NDUFB5: variants seen among roughly 807,000 people sequenced by gnomAD.
NDUFB5 encodes the protein NADH dehydrogenase [ubiquinone] 1 beta subcomplex subunit 5, mitochondrial.
A neutral mutation model predicts 19.4 loss-of-function variants in NDUFB5; 19 were observed. The ratio of observed to expected loss-of-function variants is 0.98; its 90% CI spans 0.68 to 1.43. NDUFB5 has a LOEUF of 1.43. Ranked by LOEUF, NDUFB5 falls within the 40% of genes most tolerant of loss-of-function variation. The pLI is 0.00. For missense variants in NDUFB5, 233 were observed against 236.5 expected (o/e 0.99, Z 0.10); for synonymous variants, 80 against 82.6 (o/e 0.97, Z 0.17).
In NDUFB5 at chr3:179,627,062, A is replaced by C. The variant is rs570705884; in HGVS notation, c.*3022A>C. The C allele has an allele frequency of 2.0e-5, 3 of 152,358 alleles. No homozygotes were observed. The highest frequency in any genetic ancestry group is 2.0e-4 in the Admixed American group (3 of 15,292). The allele number at this position is 152,358 out of a possible 1,614,324, so 9.4% of individuals were successfully genotyped here. On this transcript the variant is annotated 3_prime_UTR_variant, in exon 6 of 6. Transcript: ENST00000259037. Reference sequence around the variant, plus strand: ...ATTGCTTGGCTTCTGGGGAGGCCTCAAGGAACTTTCACTCATAGCAGAAAG... The same window carrying C: ...ATTGCTTGGCTTCTGGGGAGGCCTCCAGGAACTTTCACTCATAGCAGAAAG...
intron 5 of NDUFB5, among the ~76,000 whole-genome samples, chr3:179,619,782 C>G (rs895022401): frequency 2.0e-5 from 3 of 152,186 alleles, no homozygotes; most frequent in Admixed American, 6.5e-5. Context: ...ACACTGACTT[C>G]CACAATGATT....
intron 1 of NDUFB5, among the ~76,000 whole-genome samples, chr3:179,611,811 A>G (rs1438526436): frequency 6.6e-6 from 1 of 152,120 alleles, no homozygotes; most frequent in East Asian, 1.9e-4. Flanking sequence ...GGCTACGTGC[A>G]TTTTTAAAAA....
chr3:179,615,700 C>T (rs1719359959), intron 2 of NDUFB5: 1 of 539,390 alleles, frequency 1.9e-6, no homozygotes, highest in Admixed American at 2.3e-5. Flanking sequence ...CCTTTTTCAT[C>T]TCCTTGGTTG....
At position 179,624,026 on chromosome 3, in the gene NDUFB5, A is replaced by G. The variant is rs140449182; in HGVS notation, c.556A>G (p.Thr186Ala). The G allele has an allele frequency of 3.1e-6, 5 of 1,613,452 alleles. No individual in the cohort carries two copies. The highest frequency in any genetic ancestry group is 1.7e-5 in the Admixed American group (1 of 59,944). ...ACTTATTGATCATTCTCCGAAAGCAACTCCTGACAATTAAGCATTTTTTTC... is the reference window on the plus strand; with the variant it reads ...ACTTATTGATCATTCTCCGAAAGCAGCTCCTGACAATTAAGCATTTTTTTC... ...KELIDHSPKA[T>A]PDN is the part of the protein sequence containing the mutation. Residue 186 changes from threonine to alanine, a missense_variant, in exon 6 of 6, where the codon ACT (threonine) becomes GCT (alanine). By Grantham distance (58) the Thr-to-Ala change is moderately conservative. Transcript: ENST00000259037.
chr3:179,624,204 G>C lies in NDUFB5; in HGVS notation c.*164G>C. 1 of 543,028 alleles carries C rather than the reference G, an allele frequency of 1.8e-6. No individual in the cohort carries two copies. Among genetic ancestry groups the C allele is most frequent in the Non-Finnish European group, 3.0e-6 (1 of 338,010 alleles). 33.6% of individuals were successfully genotyped at this position (543,028 alleles called of 1,614,324 possible). A position where few individuals can be genotyped will look rare whatever the true frequency, so the allele number is the denominator to read the frequency against. On this transcript the variant is annotated 3_prime_UTR_variant, in exon 6 of 6. Coordinates refer to ENST00000259037, the MANE Select transcript of NDUFB5 (RefSeq NM_002492.4). ...TTTTGTTTGAGGAGTTTGGCTTCCA[G>C]TCCCCAAAGAAGGTTTAAAATGTAC...
At chr3:179,620,570 A>C (rs200725604) in intron 5 of NDUFB5, among the ~76,000 whole-genome samples, 3 of 151,966 alleles carry the variant, frequency 2.0e-5, no homozygotes, top group Admixed American at 6.6e-5. Context: ...CTGTTTTGGT[A>C]CCAGTACCAT....
intron 1 of NDUFB5, 93 bp from the exon 2 acceptor site, chr3:179,614,878 T>C: frequency 1.1e-6 from 1 of 899,866 alleles, no homozygotes; most frequent in East Asian, 2.6e-5. Context: ...TACAAAAGGA[T>C]CCTTGTATTT....
chr3:179,615,358 T>C (rs1719349921), intron 2 of NDUFB5: 1 of 259,050 alleles, frequency 3.9e-6, no homozygotes, highest in Middle Eastern at 1.5e-3. Context: ...ACTAAAATAT[T>C]CTTTAAATTA....
chr3:179,607,934 A>G (rs58728627), intron 1 of NDUFB5: 57,104 of 635,388 alleles, frequency 0.09, 2,961 homozygotes, highest in South Asian at 0.16. Flanking sequence ...TGTCCATTGT[A>G]TGTATTTACC....
Position 179,624,110 on chromosome 3 carries a change from T to G in NDUFB5, c.*70T>G, listed in dbSNP as rs551658223. 1.4e-6 allele frequency: 2 copies of G among 1,401,622 alleles called. No homozygotes were observed. The highest frequency in any genetic ancestry group is 4.7e-5 in the Admixed American group (2 of 42,554). The allele number at this position is 1,401,622 out of a possible 1,614,324, so 86.8% of individuals were successfully genotyped here. On this transcript the variant is annotated 3_prime_UTR_variant, in exon 6 of 6. Coordinates refer to ENST00000259037, the MANE Select transcript of NDUFB5 (RefSeq NM_002492.4). ...ATAAATTAATAAATATATTCTGTAT[T>G]TTTGCTCTCCGTGAAAAACAAAAGA...
intron 5 of NDUFB5, 84 bp from the exon 6 acceptor site, chr3:179,623,836 A>C (rs1719596305): frequency 6.6e-7 from 1 of 1,522,852 alleles, no homozygotes; most frequent in African/African-American, 1.4e-5. Context: ...AGCAGACTCC[A>C]GTGATTGTCC....
intron 1 of NDUFB5, among the ~76,000 whole-genome samples, chr3:179,607,116 G>A (rs1329411644): frequency 6.6e-6 from 1 of 152,068 alleles, no homozygotes; most frequent in African/African-American, 2.4e-5. Context: ...GCCCTTTCTT[G>A]GGGTTCTCAA....
At chr3:179,604,965 G>A in intron 1 of NDUFB5, 26 bp downstream of exon 1, 1 of 1,532,370 alleles carries the variant, frequency 6.5e-7, no homozygotes, top group Non-Finnish European at 8.7e-7. Flanking sequence ...GGGAGAACGG[G>A]CGTGAAGCGG....
Position 179,624,189 on chromosome 3 carries a change from G to T in NDUFB5, c.*149G>T. 1 of 667,702 alleles carries T rather than the reference G, an allele frequency of 1.5e-6. No homozygotes were observed. Among genetic ancestry groups the T allele is most frequent in the East Asian group, 3.4e-5 (1 of 29,724 alleles). The allele number at this position is 667,702 out of a possible 1,614,324, so 41.4% of individuals were successfully genotyped here. ...GGTTCAGATTGAGGCTTTTGTTTGA[G>T]GAGTTTGGCTTCCAGTCCCCAAAGA... On this transcript the variant is annotated 3_prime_UTR_variant, in exon 6 of 6. Transcript: ENST00000259037.
In NDUFB5 at chr3:179,624,572, T is replaced by TATACACACACACACACAC. The variant is rs750458055; in HGVS notation, c.*533_*534insTACACACACACACACACA. ...AACTACACACAGACACACAGACACG[T>TATACACACACACACACAC]ACACACACACACACACACACACACA... On this transcript the variant is annotated 3_prime_UTR_variant, in exon 6 of 6. Transcript: ENST00000259037. 7.8e-6 allele frequency: 1 copy of TATACACACACACACACAC among 128,390 alleles called. No homozygotes were observed. Among genetic ancestry groups the TATACACACACACACACAC allele is most frequent in the African/African-American group, 3.2e-5 (1 of 31,536 alleles). The allele number at this position is 128,390 out of a possible 1,614,324, so 8.0% of individuals were successfully genotyped here.
intron 1 of NDUFB5, among the ~76,000 whole-genome samples, chr3:179,605,691 C>T (rs1453303202): frequency 3.3e-5 from 5 of 151,938 alleles, no homozygotes; most frequent in Non-Finnish European, 5.9e-5. Context: ...GTATTATGTT[C>T]GTTTTATACC....
intron 5 of NDUFB5, 116 bp downstream of exon 5, chr3:179,618,637 A>G (rs1366369734): frequency 1.4e-6 from 1 of 710,674 alleles, no homozygotes; most frequent in African/African-American, 1.8e-5. Flanking sequence ...ATGTAAAAGG[A>G]TAAAGATACG....
intron 1 of NDUFB5, among the ~76,000 whole-genome samples, chr3:179,610,654 C>G (rs1475430457): frequency 1.3e-5 from 2 of 152,162 alleles, no homozygotes; most frequent in East Asian, 3.9e-4. Flanking sequence ...CCTCATCCTT[C>G]CTAAAGATCT....
chr3:179,618,755 G>A (rs1245574648), intron 5 of NDUFB5, among the ~76,000 whole-genome samples: 1 of 152,098 alleles, frequency 6.6e-6, no homozygotes, highest in East Asian at 1.9e-4. Context: ...AGAGGCTGAG[G>A]CAGAAGAATC....
Sources: allele counts gnomAD v4.1 joint callset (sites outside exome capture counted in the v4.1 genomes callset), GRCh38; gene constraint gnomAD v4.1.1; transcripts MANE v1.5; gene names NCBI Gene and HGNC (gene_info 2026-07-23, HGNC 2026-07-21).